EEF2K: variants seen among roughly 807,000 people sequenced by gnomAD.
EEF2K encodes eukaryotic elongation factor 2 kinase.
Under a neutral mutation model 93.8 loss-of-function variants are expected in EEF2K, and 70 were observed. That is an observed-to-expected ratio of 0.75 (90% CI 0.62 to 0.91). The LOEUF (loss-of-function observed/expected upper bound fraction) is 0.91, where lower values mean the gene tolerates loss of function less well. Among genes scored for constraint, EEF2K ranks in the 40% least tolerant of loss-of-function variants. The probability of loss-of-function intolerance (pLI) is 0.00; values close to 1 mark genes in which losing one functional copy is unlikely to be tolerated. For synonymous variants in EEF2K, 376 were observed against 380.8 expected (o/e 0.99, Z 0.15); for missense variants, 935 against 972.9 (o/e 0.96, Z 0.52).
intron 16 of EEF2K, 95 bp downstream of exon 16, chr16:22,273,845 G>A: frequency 6.5e-7 from 1 of 1,528,974 alleles, no homozygotes; most frequent in Non-Finnish European, 8.8e-7. Context: ...TTCCAGTCTT[G>A]GCTGCCCCAT....
At position 22,258,567 on chromosome 16, in the gene EEF2K, G is replaced by C; in HGVS notation, c.1103G>C (p.Ser368Thr). 6.2e-7 allele frequency: 1 copy of C among 1,614,106 alleles called. No individual in the cohort carries two copies. Among genetic ancestry groups the C allele is most frequent in the Non-Finnish European group, 8.5e-7 (1 of 1,180,018 alleles). Residue 368 changes from serine (S) to threonine (T), a missense_variant, in exon 10 of 18, where the codon AGC (serine) becomes ACC (threonine). Physicochemically the swap from Ser to Thr is moderately conservative, Grantham distance 58 (BLOSUM62 1). Coordinates refer to ENST00000263026, the MANE Select transcript of EEF2K (RefSeq NM_013302.5). The stretch of plus-strand genomic sequence containing the variant: ...CCCCAAGTAAGGACCCTCTCTGGGA[G>C]CCGGCCACCCCTGCTCCGTCCCCTT... The part of the protein sequence containing the change: ...GSPQVRTLSG[S>T]RPPLLRPLSE...
chr16:22,220,373 G>A (rs1052847282), intron 1 of EEF2K, among the ~76,000 whole-genome samples: 15 of 152,166 alleles, frequency 9.9e-5, no homozygotes, highest in Admixed American at 1.3e-4. Context: ...TGAGGGAGTC[G>A]GCTCCGTGAA....
chr16:22,253,965 G>A (rs1469270103), intron 6 of EEF2K, among the ~76,000 whole-genome samples: 3 of 152,052 alleles, frequency 2.0e-5, no homozygotes, highest in Non-Finnish European at 4.4e-5. Context: ...TGGGCATGGT[G>A]GTGCACGCCT....
At chr16:22,266,546 G>A (rs1238606524) in intron 14 of EEF2K, 22 bp downstream of exon 14, 3 of 1,613,464 alleles carry the variant, frequency 1.9e-6, no homozygotes, top group Non-Finnish European at 2.5e-6. Flanking sequence ...GCCCATTTTG[G>A]AGCCCTGTCT....
intron 10 of EEF2K, 77 bp from the exon 11 acceptor site, chr16:22,260,385 C>A (rs373092501): frequency 6.6e-7 from 1 of 1,505,520 alleles, no homozygotes; most frequent in Non-Finnish European, 9.1e-7. Flanking sequence ...AGGTATGGAC[C>A]GCCCTAGGCC....
intron 5 of EEF2K, among the ~76,000 whole-genome samples, 176 bp downstream of exon 5, chr16:22,250,867 G>T (rs1053253528): frequency 6.6e-6 from 1 of 152,156 alleles, no homozygotes; most frequent in African/African-American, 2.4e-5. Flanking sequence ...TGGCTGTGAC[G>T]ATGGGCTCAG....
intron 17 of EEF2K, among the ~76,000 whole-genome samples, chr16:22,283,308 CAAAAAAA>C (rs10540234): frequency 4.0e-5 from 3 of 75,868 alleles, no homozygotes; most frequent in Non-Finnish European, 8.1e-5. Flanking sequence ...GACTCCATCT[CAAAAAAA>C]AAAAAAAAAA....
intron 16 of EEF2K, among the ~76,000 whole-genome samples, chr16:22,279,132 G>T (rs1029255686): frequency 6.6e-6 from 1 of 152,072 alleles, no homozygotes; most frequent in Non-Finnish European, 1.5e-5. Flanking sequence ...GTAAAAATGG[G>T]CCCCTTCCTC....
Position 22,251,148 on chromosome 16 carries a change from C to A in EEF2K, c.447-3C>A, listed in dbSNP as rs369413078. On this transcript the variant is annotated splice_region_variant and splice_polypyrimidine_tract_variant and intron_variant, in intron 5 of 17. Coordinates refer to ENST00000263026, the MANE Select transcript of EEF2K (RefSeq NM_013302.5). ...GTAGGCCCCCTGTTGCCTCTTCCCACAGGAAGAAGCTCTCCAACTTCTTGC... is the reference window on the plus strand; with the variant it reads ...GTAGGCCCCCTGTTGCCTCTTCCCAAAGGAAGAAGCTCTCCAACTTCTTGC... 3.6e-5 allele frequency: 58 copies of A among 1,612,764 alleles called. No individual in the cohort carries two copies. In the African/African-American group the frequency reaches 7.1e-4, roughly 20 times the overall value.
At chr16:22,260,159 G>A (rs1467405309) in intron 10 of EEF2K, among the ~76,000 whole-genome samples, 1 of 152,130 alleles carries the variant, frequency 6.6e-6, no homozygotes, top group Non-Finnish European at 1.5e-5. Flanking sequence ...TGGTGGCCAG[G>A]CACATATGCT....
Position 22,266,852 on chromosome 16 carries a change from C to G in EEF2K, c.1740C>G (p.His580Gln). ...TCATGTACTCGCAGTTGCCTCATCA[C>G]ATCCTAGCCGATGTCTCTCTGAAGG... ...LGLMYSQLPH[H>Q]ILADVSLKET... Residue 580 changes from histidine to glutamine, a missense_variant, in exon 15 of 18, where the codon CAC becomes CAG. Physicochemically the swap from His to Gln is conservative, Grantham distance 24. Coordinates refer to ENST00000263026, the MANE Select transcript of EEF2K (RefSeq NM_013302.5). 6.2e-7 allele frequency: 1 copy of G among 1,612,206 alleles called. No homozygotes were observed. The highest frequency in any genetic ancestry group is 8.5e-7 in the Non-Finnish European group (1 of 1,178,834).
chr16:22,248,849 C>T (rs774447331), intron 4 of EEF2K, 34 bp downstream of exon 4: 61 of 1,605,850 alleles, frequency 3.8e-5, no homozygotes, highest in Non-Finnish European at 5.1e-5. Context: ...GGGGACAGGG[C>T]TGAGCAAAGA....
chr16:22,215,686 A>G (rs2046951589), intron 1 of EEF2K, among the ~76,000 whole-genome samples: 1 of 152,144 alleles, frequency 6.6e-6, no homozygotes, highest in South Asian at 2.1e-4. Flanking sequence ...TCTCTTTGGG[A>G]GGCTGAGGCG....
intron 12 of EEF2K, among the ~76,000 whole-genome samples, chr16:22,264,239 C>T (rs2047494296): frequency 7.1e-6 from 1 of 140,002 alleles, no homozygotes; most frequent in East Asian, 2.2e-4. Flanking sequence ...TTGCAGTGAG[C>T]CAAGGTCATG....
At position 22,283,553 on chromosome 16, in the gene EEF2K, C is replaced by T. The variant is rs569788109; in HGVS notation, c.2069-334C>T. On this transcript the variant is annotated intron_variant, in intron 17 of 17. Transcript: ENST00000263026. ...TGATTCTCATTGGCTCAAATTAGTT[C>T]TCAGCCTGATTCTCATTGGCTCAAA... Among the ~76,000 whole-genome samples the T allele has an allele frequency of 3.7e-4, 57 of 152,252 alleles. 1 individual carries two copies. In the South Asian group the frequency reaches 0.012, roughly 32 times the overall value.
intron 1 of EEF2K, among the ~76,000 whole-genome samples, chr16:22,220,097 C>T (rs749737520): frequency 3.3e-5 from 5 of 152,336 alleles, no homozygotes; most frequent in Admixed American, 6.5e-5. Flanking sequence ...AGCCAAAACC[C>T]GGTGGTTCTC....
intron 1 of EEF2K, among the ~76,000 whole-genome samples, chr16:22,218,827 A>T (rs1205464280): frequency 6.6e-6 from 1 of 151,838 alleles, no homozygotes; most frequent in African/African-American, 2.4e-5. Context: ...ACCTTTCCAT[A>T]GAAATAGGGA....
intron 17 of EEF2K, among the ~76,000 whole-genome samples, chr16:22,281,780 C>T (rs2047695849): frequency 6.6e-6 from 1 of 152,104 alleles, no homozygotes; most frequent in East Asian, 1.9e-4. Context: ...TTTCAAGATT[C>T]ATCTGTGTTG....
rs1207841600 is a variant in EEF2K at position 22,286,219 on chromosome 16, T to C, written c.*2223T>C. 6.6e-6 allele frequency: 1 copy of C among 152,216 alleles called. No individual in the cohort carries two copies. Among genetic ancestry groups the C allele is most frequent in the Non-Finnish European group, 1.5e-5 (1 of 68,032 alleles). The allele number at this position is 152,216 out of a possible 1,614,324, so 9.4% of individuals were successfully genotyped here. On this transcript the variant is annotated 3_prime_UTR_variant, in exon 18 of 18. Transcript: ENST00000263026. ...CCTTTTGTCATCTGTACCAGATCAG[T>C]AGTTGGCTTGTGTTACATTTTGTGT...
Sources: gnomAD v4.1 joint callset for allele counts (sites outside exome capture counted in the v4.1 genomes callset) on GRCh38, gnomAD v4.1.1 for gene constraint, MANE v1.5 for transcripts, NCBI Gene and HGNC (gene_info 2026-07-23, HGNC 2026-07-21) for gene names.